The following SNX29 variants were observed in gnomAD, a reference collection of about 807,000 sequenced individuals.
SNX29 encodes sorting nexin-29.
Under a neutral mutation model 102.1 loss-of-function variants are expected in SNX29, and 78 were observed. The observed-to-expected ratio is 0.76, with a 90% CI of 0.64 to 0.92. The LOEUF (loss-of-function observed/expected upper bound fraction) is 0.92. Ranked by LOEUF, SNX29 falls within the 40% of genes least tolerant of loss-of-function variation. The pLI is 0.00. For synonymous variants in SNX29, 580 were observed against 414.5 expected (o/e 1.40, Z -4.85); for missense variants, 1,280 against 1,061.7 (o/e 1.21, Z -2.86).
chr16:12,535,586 A>G (rs1035770040), intron 20 of SNX29, among the ~76,000 whole-genome samples: 1 of 152,072 alleles, frequency 6.6e-6, no homozygotes, highest in Non-Finnish European at 1.5e-5. Context: ...GGTATGCACG[A>G]TTGGCAAGCC....
intron 4 of SNX29, chr16:12,027,778 A>T (rs1211019111): frequency 5.5e-6 from 1 of 183,336 alleles, no homozygotes; most frequent in Non-Finnish European, 1.1e-5. Context: ...ATGCCTGAGG[A>T]TAGCATGGCA....
chr16:12,314,074 C>A (rs890102578), intron 15 of SNX29, among the ~76,000 whole-genome samples: 1 of 152,266 alleles, frequency 6.6e-6, no homozygotes, highest in Non-Finnish European at 1.5e-5. Context: ...CAGCCTCCAA[C>A]TGTTGGGCTC....
intron 13 of SNX29, among the ~76,000 whole-genome samples, chr16:12,190,303 T>C (rs976615106): frequency 3.3e-5 from 5 of 152,082 alleles, no homozygotes; most frequent in African/African-American, 9.6e-5. Flanking sequence ...CATTTCCTTA[T>C]GGATGAGGGC....
chr16:12,338,286 G>A (rs768365498), intron 15 of SNX29, among the ~76,000 whole-genome samples: 1 of 152,178 alleles, frequency 6.6e-6, no homozygotes, highest in Admixed American at 6.5e-5. Flanking sequence ...CTCATGAGCC[G>A]TGGGGTTGGG....
chr16:12,091,014 CA>C lies in SNX29; in HGVS notation c.1402+12123del, dbSNP rs58933500. Among the ~76,000 whole-genome samples the C allele has an allele frequency of 7.3e-3, 391 of 53,434 alleles. 1 individual carries two copies. The highest frequency in any genetic ancestry group is 0.026 in the African/African-American group (336 of 12,880). The allele number at this position is 53,434 out of a possible 152,430, so 35.1% of individuals were successfully genotyped here. A position where few individuals can be genotyped will look rare whatever the true frequency, so the allele number is the denominator to read the frequency against. ...TGGGCGACAGAGTGAGACTTCATCTCAAAAAAAAAAAAAAAAAAAAAAAAGA... is the reference window on the plus strand; with the variant it reads ...TGGGCGACAGAGTGAGACTTCATCTCAAAAAAAAAAAAAAAAAAAAAAAGA... On this transcript the variant is annotated intron_variant, in intron 11 of 20. Transcript: ENST00000566228.
At chr16:12,554,034 C>G (rs973880007) in intron 20 of SNX29, among the ~76,000 whole-genome samples, 2 of 152,160 alleles carry the variant, frequency 1.3e-5, no homozygotes, top group Non-Finnish European at 2.9e-5. Flanking sequence ...CCATGTTGCC[C>G]AGGCTGGTCT....
At chr16:12,562,977 C>T (rs1044474663) in intron 20 of SNX29, among the ~76,000 whole-genome samples, 6 of 106,996 alleles carry the variant, frequency 5.6e-5, no homozygotes, top group South Asian at 2.8e-4. Flanking sequence ...GGGGTGAGGG[C>T]TGATGCGTAA....
At chr16:12,500,389 C>T (rs2089057012) in intron 19 of SNX29, among the ~76,000 whole-genome samples, 1 of 152,156 alleles carries the variant, frequency 6.6e-6, no homozygotes, top group Non-Finnish European at 1.5e-5. Context: ...ATAACTGGCC[C>T]CAGGTACACA....
intron 4 of SNX29, among the ~76,000 whole-genome samples, chr16:12,028,251 G>A (rs2057246330): frequency 6.6e-6 from 1 of 152,188 alleles, no homozygotes; most frequent in Non-Finnish European, 1.5e-5. Context: ...GTTGCATTTG[G>A]TGGCGGTGTG....
At chr16:12,106,699 T>G (rs1409950562) in intron 11 of SNX29, among the ~76,000 whole-genome samples, 1 of 151,598 alleles carries the variant, frequency 6.6e-6, no homozygotes, top group Non-Finnish European at 1.5e-5. Context: ...TAGGCTTATC[T>G]ATGACTCCTG....
chr16:12,271,901 G>T (rs553916087), intron 14 of SNX29, among the ~76,000 whole-genome samples: 2 of 152,306 alleles, frequency 1.3e-5, no homozygotes, highest in South Asian at 4.1e-4. Context: ...GGGATTTCAG[G>T]TGTGAACCAC....
At chr16:12,050,500 G>T (rs1192133665) in intron 7 of SNX29, among the ~76,000 whole-genome samples, 1 of 152,158 alleles carries the variant, frequency 6.6e-6, no homozygotes, top group Non-Finnish European at 1.5e-5. Context: ...TCACTCATGG[G>T]AGCTGGTGGT....
intron 14 of SNX29, among the ~76,000 whole-genome samples, chr16:12,214,307 C>T (rs79337098): frequency 0.015 from 2,257 of 152,278 alleles, 61 homozygotes; most frequent in African/African-American, 0.051. Context: ...GGAGGCCAGA[C>T]GTATATTTAT....
intron 15 of SNX29, among the ~76,000 whole-genome samples, chr16:12,352,061 A>G (rs1386631028): frequency 6.6e-6 from 1 of 152,188 alleles, no homozygotes; most frequent in South Asian, 2.1e-4. Flanking sequence ...CCCAGCCATG[A>G]TTTGTTAAAT....
chr16:12,462,433 G>A (rs2086848306), intron 18 of SNX29, among the ~76,000 whole-genome samples: 1 of 152,104 alleles, frequency 6.6e-6, no homozygotes, highest in Admixed American at 6.5e-5. Flanking sequence ...TTGAAAAATA[G>A]CATTTAATTT....
chr16:12,385,045 C>G (rs962280159), intron 16 of SNX29, among the ~76,000 whole-genome samples: 1 of 152,196 alleles, frequency 6.6e-6, no homozygotes, highest in Non-Finnish European at 1.5e-5. Flanking sequence ...CGGCGCACGC[C>G]TATAGTACTA....
At chr16:12,469,744 C>T (rs1015093962) in intron 18 of SNX29, among the ~76,000 whole-genome samples, 1 of 152,202 alleles carries the variant, frequency 6.6e-6, no homozygotes, top group Non-Finnish European at 1.5e-5. Flanking sequence ...CGCAGGGTGG[C>T]TCACGCCTGT....
At chr16:12,546,438 T>A (rs1291882814) in intron 20 of SNX29, 1 of 152,196 alleles carries the variant, frequency 6.6e-6, no homozygotes, top group African/African-American at 2.4e-5. Context: ...CGATGTGAGC[T>A]AGGAAACTCT....
chr16:12,559,595 G>C (rs975728181), intron 20 of SNX29, among the ~76,000 whole-genome samples: 11 of 151,800 alleles, frequency 7.2e-5, no homozygotes, highest in Non-Finnish European at 1.3e-4. Flanking sequence ...TGCCAAAAAG[G>C]TTGGGGACTG....
Sources: allele counts gnomAD v4.1 joint callset (sites outside exome capture counted in the v4.1 genomes callset), GRCh38; gene constraint gnomAD v4.1.1; transcripts MANE v1.5; gene names NCBI Gene and HGNC (gene_info 2026-07-23, HGNC 2026-07-21).